The following BRWD1 variants were observed in gnomAD, a reference collection of about 807,000 sequenced individuals.
BRWD1 encodes the protein bromodomain and WD repeat domain containing 1, also known as bromodomain and WD repeat-containing protein 1.
Under a neutral mutation model 251.2 loss-of-function variants are expected in BRWD1, and 82 were observed. That is an observed-to-expected ratio of 0.33 (90% CI 0.27 to 0.39). The LOEUF (loss-of-function observed/expected upper bound fraction) is 0.39, where lower values mean the gene tolerates loss of function less well. Among genes scored for constraint, BRWD1 ranks in the 10% least tolerant of loss-of-function variants. The pLI is 1.00. For missense variants in BRWD1, 2,233 were observed against 2,711.6 expected, an observed-to-expected ratio of 0.82 and a Z score of 3.92; for synonymous variants, 918 against 902.8, an observed-to-expected ratio of 1.02 and a Z score of -0.30.
At position 39,191,004 on chromosome 21, in the gene BRWD1, A is replaced by G. The variant is rs1467094569; in HGVS notation, c.*5255T>C. 29 of 985,152 alleles carry G rather than the reference A, an allele frequency of 2.9e-5. No individual in the cohort carries two copies. The highest frequency in any genetic ancestry group is 3.1e-5 in the Non-Finnish European group (26 of 829,860). The allele number at this position is 985,152 out of a possible 1,614,324, so 61.0% of individuals were successfully genotyped here. On this transcript the variant is annotated 3_prime_UTR_variant, in exon 41 of 41. Transcript: ENST00000342449. ...ACTCAGATTTGTGATGGCTATTGCA[A>G]TTTTTAATAAAAATCTCATAAAAGC...
intron 39 of BRWD1, 75 bp downstream of exon 39, chr21:39,200,144 T>G: frequency 7.4e-7 from 1 of 1,357,386 alleles, no homozygotes. Context: ...ATGCATTAAA[T>G]CGAGAATCTA....
chr21:39,212,845 A>AC, intron 33 of BRWD1, 138 bp from the exon 34 acceptor site: 1 of 581,560 alleles, frequency 1.7e-6, no homozygotes, highest in South Asian at 3.1e-5. Flanking sequence ...CCAAAGAAAG[A>AC]CTACCAGATG....
intron 19 of BRWD1, among the ~76,000 whole-genome samples, chr21:39,254,195 G>A (rs2034489455): frequency 6.6e-6 from 1 of 152,176 alleles, no homozygotes; most frequent in Non-Finnish European, 1.5e-5. Context: ...GAACCCGGAG[G>A]CAGAGGTTGC....
At chr21:39,205,116 T>G (rs977868000) in intron 37 of BRWD1, among the ~76,000 whole-genome samples, 8 of 152,176 alleles carry the variant, frequency 5.3e-5, no homozygotes, top group Non-Finnish European at 2.9e-5. Flanking sequence ...ATAAAACCCA[T>G]GACTAGTCTT....
chr21:39,277,473 A>G (rs2035313778), intron 10 of BRWD1, 122 bp from the exon 11 acceptor site: 3 of 629,482 alleles, frequency 4.8e-6, no homozygotes, highest in African/African-American at 1.9e-5. Flanking sequence ...TTATCTCAAC[A>G]GTTACATTTT....
chr21:39,271,795 T>C (rs981280712), intron 13 of BRWD1, among the ~76,000 whole-genome samples: 13 of 151,900 alleles, frequency 8.6e-5, no homozygotes, highest in Non-Finnish European at 1.6e-4. Flanking sequence ...CCCAGCACTT[T>C]TGAGAGGCCA....
In BRWD1 at chr21:39,218,579, C is replaced by T. The variant is rs1253542590; in HGVS notation, c.3464G>A (p.Gly1155Asp). The part of the protein sequence containing the change: ...LEKLLYKPQA[G>D]EWGQKSRDEE... ...ATCTCTTGATTTCTGACCCCATTCA[C>T]CAGCTTGTGGTTTATAGAGCAATTT... The change falls in exon 30 of 41, where the codon GGT becomes GAT. Residue 1155 changes from glycine to aspartate, a missense_variant. By Grantham distance (94) the Gly-to-Asp change is moderately conservative. Around this residue, in one of 12 missense-constraint regions of BRWD1, gnomAD observed 139 missense variants for 272.8 expected, o/e 0.51. Coordinates refer to ENST00000342449, the MANE Select transcript of BRWD1 (RefSeq NM_033656.4). 3 of 1,612,490 alleles carry T rather than the reference C, an allele frequency of 1.9e-6. No individual in the cohort carries two copies. The highest frequency in any genetic ancestry group is 2.2e-5 in the East Asian group (1 of 44,784).
chr21:39,217,803 A>G (rs2033017108), intron 31 of BRWD1, among the ~76,000 whole-genome samples: 1 of 152,250 alleles, frequency 6.6e-6, no homozygotes, highest in Admixed American at 6.5e-5. Context: ...AATTATGGCT[A>G]TTAATTTTAA....
intron 38 of BRWD1, among the ~76,000 whole-genome samples, chr21:39,200,754 G>C (rs1327160101): frequency 1.3e-5 from 2 of 152,298 alleles, no homozygotes; most frequent in Admixed American, 6.5e-5. Flanking sequence ...GGGAGGCTGA[G>C]GTGGGTGGAT....
downstream of BRWD1, chr21:39,184,315 T>G (rs1312960712): frequency 2.0e-5 from 3 of 152,258 alleles, no homozygotes; most frequent in East Asian, 5.8e-4. Context: ...TAATACAAAA[T>G]GTTTCTTTTT....
chr21:39,305,574 C>T (rs1239109883), intron 4 of BRWD1, among the ~76,000 whole-genome samples: 3 of 151,974 alleles, frequency 2.0e-5, no homozygotes, highest in Non-Finnish European at 4.4e-5. Flanking sequence ...ACTAAAAATA[C>T]AAAAATTAGG....
rs2033301997 is a variant in BRWD1, at chr21:39,224,420, T to C, written c.3370A>G (p.Ile1124Val). The C allele has an allele frequency of 6.3e-7, 1 of 1,583,986 alleles. No homozygotes were observed. Among genetic ancestry groups the C allele is most frequent in the Non-Finnish European group, 8.6e-7 (1 of 1,159,678 alleles). ...CAAATATATATACCATTATCAGGAATTGGTTCCATGTCCCATGGGCTAAGT... is the reference window on the plus strand; with the variant it reads ...CAAATATATATACCATTATCAGGAACTGGTTCCATGTCCCATGGGCTAAGT... ...EKLSPWDMEP[I>V]PDNVDPPEEL... Residue 1124 changes from isoleucine (I) to valine (V), a missense_variant, in exon 29 of 41, where the codon ATT becomes GTT. Ile to Val is a conservative substitution (Grantham distance 29). Around this residue, in one of 12 missense-constraint regions of BRWD1, gnomAD observed 139 missense variants for 272.8 expected, o/e 0.51. Coordinates refer to ENST00000342449, the MANE Select transcript of BRWD1 (RefSeq NM_033656.4).
intron 8 of BRWD1, among the ~76,000 whole-genome samples, chr21:39,281,650 T>G (rs991484664): frequency 6.6e-6 from 1 of 152,104 alleles, no homozygotes; most frequent in Non-Finnish European, 1.5e-5. Context: ...GCCAACATGG[T>G]GAAACACCAC....
At chr21:39,301,489 C>T (rs1359857778) in intron 4 of BRWD1, among the ~76,000 whole-genome samples, 1 of 152,090 alleles carries the variant, frequency 6.6e-6, no homozygotes, top group Non-Finnish European at 1.5e-5. Flanking sequence ...CTCAGTCAAA[C>T]AACCCTCCAG....
chr21:39,299,200 G>T (rs1196234975), intron 4 of BRWD1, among the ~76,000 whole-genome samples: 2 of 150,928 alleles, frequency 1.3e-5, no homozygotes, highest in Admixed American at 1.3e-4. Context: ...TCTAGCCTGG[G>T]CAACAAGAAA....
chr21:39,195,868 A>G lies in BRWD1; in HGVS notation c.*391T>C. 1.0e-6 allele frequency: 1 copy of G among 994,384 alleles called. No individual in the cohort carries two copies. The highest frequency in any genetic ancestry group is 1.2e-6 in the Non-Finnish European group (1 of 836,258). 61.6% of individuals were successfully genotyped at this position (994,384 alleles called of 1,614,324 possible). On this transcript the variant is annotated 3_prime_UTR_variant, in exon 41 of 41. Coordinates refer to ENST00000342449, the MANE Select transcript of BRWD1 (RefSeq NM_033656.4). ...AGGTTGTGAAATTGTTGTAACTACT[A>G]TAGAACAGGGGTTAGAAACTACTGC...
chr21:39,282,953 C>A (rs1434637831), intron 8 of BRWD1, among the ~76,000 whole-genome samples: 11 of 138,512 alleles, frequency 7.9e-5, no homozygotes, highest in Non-Finnish European at 6.3e-5. Flanking sequence ...GAGCGGAACT[C>A]CGTCACAAAA....
At chr21:39,282,022 CTATGTA>C (rs1163903922) in intron 8 of BRWD1, among the ~76,000 whole-genome samples, 1 of 151,078 alleles carries the variant, frequency 6.6e-6, no homozygotes, top group East Asian at 1.9e-4. Context: ...ACATATACGT[CTATGTA>C]TAAGTATATG....
In BRWD1 at chr21:39,199,393, A is replaced by G. The variant is rs752746571; in HGVS notation, c.5023T>C (p.Leu1675=). The change falls in exon 40 of 41, where the codon TTA becomes CTA. Residue 1675 remains leucine, a synonymous_variant. Transcript: ENST00000342449. ...NASAVARKKL[L]HNSEDEQSLK... ...CTCTGTTCATCTTCAGAATTATGTAATAACTTTTTTCTAGCTACAGCAGAA... is the reference window on the plus strand; with the variant it reads ...CTCTGTTCATCTTCAGAATTATGTAGTAACTTTTTTCTAGCTACAGCAGAA... 42 of 1,614,102 alleles carry G rather than the reference A, an allele frequency of 2.6e-5. No homozygotes were observed. Among genetic ancestry groups the G allele is most frequent in the Admixed American group, 8.3e-5 (5 of 60,004 alleles).
Sources: gnomAD v4.1 joint callset for allele counts (sites outside exome capture counted in the v4.1 genomes callset) on GRCh38, gnomAD v4.1.1 for gene constraint, gnomAD v4.1.1 regional missense constraint, MANE v1.5 for transcripts, NCBI Gene and HGNC (gene_info 2026-07-23, HGNC 2026-07-21) for gene names.